LYZL4: variants seen among roughly 807,000 people sequenced by gnomAD.
The protein encoded by LYZL4 is lysozyme-like protein 4.
A neutral mutation model predicts 17.6 loss-of-function variants in LYZL4; 13 were observed. The ratio of observed to expected loss-of-function variants is 0.74; its 90% CI spans 0.48 to 1.18. The LOEUF is 1.18. Ranked by LOEUF, LYZL4 falls within the 50% of genes most tolerant of loss-of-function variation. The pLI is 0.00. For synonymous variants in LYZL4, 64 were observed against 67.7 expected (o/e 0.95, Z 0.27); for missense variants, 174 against 188.2 (o/e 0.92, Z 0.44).
downstream of LYZL4, among the ~76,000 whole-genome samples, chr3:42,393,802 GT>G (rs1361722284): frequency 1.3e-5 from 2 of 151,946 alleles, no homozygotes; most frequent in Non-Finnish European, 2.9e-5. Flanking sequence ...ATTTTTGTTT[GT>G]TTTTTTGAGA....
At chr3:42,377,623 C>CTGTGTG in the LYZL4 span, among the ~76,000 whole-genome samples, 6 of 92,630 alleles carry the variant, frequency 6.5e-5, no homozygotes, top group African/African-American at 2.4e-4. Flanking sequence ...ATGCATGACT[C>CTGTGTG]TCTGTGTGTG....
the LYZL4 span, among the ~76,000 whole-genome samples, chr3:42,375,228 C>T: frequency 0.014 from 2,058 of 152,292 alleles, 47 homozygotes; most frequent in African/African-American, 0.046. Flanking sequence ...GTGCTCTTAT[C>T]CTGCTGAATG....
chr3:42,376,819 G>A, the LYZL4 span, among the ~76,000 whole-genome samples: 16 of 152,220 alleles, frequency 1.1e-4, no homozygotes, highest in Admixed American at 3.3e-4. Flanking sequence ...TGAGGCACCA[G>A]CAAATTTTGT....
downstream of LYZL4, among the ~76,000 whole-genome samples, chr3:42,394,158 G>A (rs888498073): frequency 2.6e-5 from 4 of 152,140 alleles, no homozygotes; most frequent in Admixed American, 1.3e-4. Flanking sequence ...CTGTCTTCTC[G>A]ATTTATTTTG....
chr3:42,370,827 T>G, the LYZL4 span, among the ~76,000 whole-genome samples: 1 of 152,232 alleles, frequency 6.6e-6, no homozygotes, highest in Non-Finnish European at 1.5e-5. Flanking sequence ...TGCTGACTGG[T>G]AGAGTTCGTC....
chr3:42,382,584 A>G, the LYZL4 span, among the ~76,000 whole-genome samples: 2 of 151,656 alleles, frequency 1.3e-5, no homozygotes, highest in Non-Finnish European at 2.9e-5. Flanking sequence ...TTAAATTCCC[A>G]ATTTCTCTAC....
At chr3:42,406,092 A>G (rs979928421) in intron 3 of LYZL4, among the ~76,000 whole-genome samples, 1 of 152,152 alleles carries the variant, frequency 6.6e-6, no homozygotes, top group Non-Finnish European at 1.5e-5. Flanking sequence ...TCCCCTTGGG[A>G]TGCCCAGCTC....
the LYZL4 span, among the ~76,000 whole-genome samples, chr3:42,368,103 A>G: frequency 6.9e-6 from 1 of 143,894 alleles, no homozygotes; most frequent in African/African-American, 3.0e-5. Context: ...ATTCCAACAC[A>G]GGCAGCCTGA....
chr3:42,393,617 A>G (rs1045003570), downstream of LYZL4, among the ~76,000 whole-genome samples: 2 of 152,142 alleles, frequency 1.3e-5, no homozygotes, highest in African/African-American at 4.8e-5. Flanking sequence ...GACTTCCGAC[A>G]TTTTCCAACC....
intron 4 of LYZL4, among the ~76,000 whole-genome samples, chr3:42,403,265 C>CTT (rs5848623): frequency 6.9e-6 from 1 of 144,394 alleles, no homozygotes. Context: ...TATTATCCAC[C>CTT]TTTTTTTTTT....
chr3:42,381,740 A>T, the LYZL4 span, among the ~76,000 whole-genome samples: 3 of 152,200 alleles, frequency 2.0e-5, no homozygotes, highest in Non-Finnish European at 2.9e-5. Context: ...CTGGGTGGAG[A>T]TCACTGTAAA....
the LYZL4 span, among the ~76,000 whole-genome samples, chr3:42,366,903 A>G: frequency 6.6e-6 from 1 of 152,228 alleles, no homozygotes; most frequent in Non-Finnish European, 1.5e-5. Flanking sequence ...CTGTCTCCCC[A>G]TGAGACCTAG....
chr3:42,407,356 G>A lies in LYZL4; in HGVS notation c.-92-13C>T, dbSNP rs1357623197. 4 of 1,485,546 alleles carry A rather than the reference G, an allele frequency of 2.7e-6. No individual in the cohort carries two copies. The highest frequency in any genetic ancestry group is 3.7e-6 in the Non-Finnish European group (4 of 1,086,684). 92.0% of individuals were successfully genotyped at this position (1,485,546 alleles called of 1,614,324 possible). A position where few individuals can be genotyped will look rare whatever the true frequency, so the allele number is the denominator to read the frequency against. ...GGAAAGAAGGGCACTGTGGGGGTGG[G>A]GGTGGAGCACAGTTCAGTGTCATCA... On this transcript the variant is annotated splice_polypyrimidine_tract_variant and intron_variant, in intron 1 of 4. Coordinates refer to ENST00000287748, the MANE Select transcript of LYZL4 (RefSeq NM_144634.4).
chr3:42,410,048 A>G (rs1260614099), intron 1 of LYZL4, among the ~76,000 whole-genome samples: 1 of 152,188 alleles, frequency 6.6e-6, no homozygotes, highest in African/African-American at 2.4e-5. Flanking sequence ...CTCAAAGAAG[A>G]TTCCTTGATC....
chr3:42,397,386 T>C lies in LYZL4; in HGVS notation c.372-52A>G, dbSNP rs1363868771. On this transcript the variant is annotated intron_variant, in intron 4 of 4. Transcript: ENST00000287748. ...CTCCTCAAAGTCAGAACTCAGGGTC[T>C]CCAGGGCTTCACAGCCCCATTCAGG... 5.3e-6 allele frequency: 7 copies of C among 1,316,434 alleles called. No individual in the cohort carries two copies. The South Asian group carries it at 8.8e-5, about 17-fold the overall frequency. The allele number at this position is 1,316,434 out of a possible 1,614,324, so 81.5% of individuals were successfully genotyped here.
At chr3:42,363,980 A>G in the LYZL4 span, among the ~76,000 whole-genome samples, 20 of 152,202 alleles carry the variant, frequency 1.3e-4, no homozygotes, top group Admixed American at 1.2e-3. Context: ...CATGACCCAC[A>G]CAGGCAAAGG....
downstream of LYZL4, among the ~76,000 whole-genome samples, chr3:42,394,926 T>G (rs1698531443): frequency 6.6e-6 from 1 of 152,218 alleles, no homozygotes; most frequent in African/African-American, 2.4e-5. Context: ...TGAGGTCGTG[T>G]GCATTATCGT....
downstream of LYZL4, among the ~76,000 whole-genome samples, chr3:42,394,445 C>A (rs1698525325): frequency 6.6e-6 from 1 of 152,128 alleles, no homozygotes; most frequent in African/African-American, 2.4e-5. Context: ...TAGCCCTAAG[C>A]CTCAATTTCA....
chr3:42,381,070 C>T, the LYZL4 span, among the ~76,000 whole-genome samples: 1 of 152,246 alleles, frequency 6.6e-6, no homozygotes, highest in East Asian at 1.9e-4. Flanking sequence ...GAACCCAATA[C>T]TGGCTAGTGC....
Sources: allele counts gnomAD v4.1 joint callset (sites outside exome capture counted in the v4.1 genomes callset), GRCh38; gene constraint gnomAD v4.1.1; transcripts MANE v1.5; gene names NCBI Gene and HGNC (gene_info 2026-07-23, HGNC 2026-07-21).